Variants in PLCL1 observed in about 807,000 individuals in gnomAD.
PLCL1 encodes phospholipase C like 1 (inactive), also known as inactive phospholipase C-like protein 1.
PLCL1 carries 41 observed loss-of-function variants against 84.4 expected under a neutral mutation model. That is an observed-to-expected ratio of 0.49 (90% CI 0.38 to 0.63). The LOEUF is 0.63. Ranked by LOEUF, PLCL1 falls within the 30% of genes least tolerant of loss-of-function variation. The probability of loss-of-function intolerance (pLI) is 0.00; values close to 1 mark genes in which losing one functional copy is unlikely to be tolerated. For missense variants in PLCL1, 1,206 were observed against 1,367.8 expected, an observed-to-expected ratio of 0.88 and a Z score of 1.87; for synonymous variants, 490 against 488.3, an observed-to-expected ratio of 1.00 and a Z score of -0.05.
chr2:197,850,015 C>T (rs1687198288), intron 1 of PLCL1, among the ~76,000 whole-genome samples: 1 of 129,514 alleles, frequency 7.7e-6, no homozygotes, highest in South Asian at 2.5e-4. Flanking sequence ...GACACACAGA[C>T]ACACAGACAC....
intron 1 of PLCL1, among the ~76,000 whole-genome samples, chr2:197,870,314 A>C (rs935637176): frequency 1.3e-5 from 2 of 152,154 alleles, no homozygotes; most frequent in African/African-American, 2.4e-5. Context: ...ACTCAGGTAC[A>C]TGTAGGCTCC....
At chr2:197,956,312 G>A (rs1024065075) in intron 1 of PLCL1, among the ~76,000 whole-genome samples, 1 of 152,070 alleles carries the variant, frequency 6.6e-6, no homozygotes, top group Non-Finnish European at 1.5e-5. Flanking sequence ...TCTTTATCCA[G>A]TCAGTCATTG....
intron 1 of PLCL1, among the ~76,000 whole-genome samples, chr2:198,022,707 C>T (rs1224135049): frequency 6.6e-6 from 1 of 152,102 alleles, no homozygotes; most frequent in African/African-American, 2.4e-5. Flanking sequence ...CGAAGGACCT[C>T]TTCAAGGAGA....
At position 198,085,544 on chromosome 2, in the gene PLCL1, C is replaced by T; in HGVS notation, c.2027C>T (p.Pro676Leu). The change falls in exon 2 of 6, where the codon CCA (proline) becomes CTA (leucine). Residue 676 changes from proline (P) to leucine (L), a missense_variant. Pro to Leu is a moderately conservative substitution (Grantham distance 98). Coordinates refer to ENST00000428675, the MANE Select transcript of PLCL1 (RefSeq NM_006226.4). This position sits in a 1 kb window ranked among gnomAD's most constrained non-coding sequence, Gnocchi z 5.3. The stretch of plus-strand genomic sequence containing the variant: ...GCAATGAATTTTCAGACTCCGGGTC[C>T]AATGATGGACCTTCACACGGGCTGG... Reference protein sequence around the residue: ...IVAMNFQTPGPMMDLHTGWFL... With the variant: ...IVAMNFQTPGLMMDLHTGWFL... The T allele has an allele frequency of 6.2e-7, 1 of 1,613,950 alleles. No individual in the cohort carries two copies. The highest frequency in any genetic ancestry group is 8.5e-7 in the Non-Finnish European group (1 of 1,179,900).
chr2:197,921,021 CAGACTT>C (rs1688690840), intron 1 of PLCL1, among the ~76,000 whole-genome samples: 1 of 152,292 alleles, frequency 6.6e-6, no homozygotes, highest in South Asian at 2.1e-4. Flanking sequence ...CTCACATTGA[CAGACTT>C]AGACGGTGTA....
chr2:197,924,161 G>C lies in PLCL1; in HGVS notation c.240+118822G>C, dbSNP rs867641580. Among the ~76,000 whole-genome samples the C allele has an allele frequency of 3.7e-3, 531 of 144,252 alleles. 3 individuals are homozygous for C. The highest frequency in any genetic ancestry group is 0.014 in the African/African-American group (494 of 36,424). The allele number at this position is 144,252 out of a possible 152,430, so 94.6% of individuals were successfully genotyped here. ...GGGGAGAGGGAGAGGGAGAGGGAGA[G>C]GGAGAGGGAGAGGGAGAGGGAGAGG... On this transcript the variant is annotated intron_variant, in intron 1 of 5. Coordinates refer to ENST00000428675, the MANE Select transcript of PLCL1 (RefSeq NM_006226.4).
At chr2:197,945,915 TA>T (rs1289324168) in intron 1 of PLCL1, among the ~76,000 whole-genome samples, 1 of 152,204 alleles carries the variant, frequency 6.6e-6, no homozygotes, top group Non-Finnish European at 1.5e-5. Context: ...TATGTATATG[TA>T]CACACATTTT....
intron 1 of PLCL1, among the ~76,000 whole-genome samples, chr2:197,936,733 T>C (rs185762957): frequency 6.6e-6 from 1 of 152,302 alleles, no homozygotes; most frequent in African/African-American, 2.4e-5. Flanking sequence ...TCCTTTGCTG[T>C]GCCAGAACTT....
chr2:197,921,254 CTG>C (rs1688695255), intron 1 of PLCL1, among the ~76,000 whole-genome samples: 2 of 152,136 alleles, frequency 1.3e-5, no homozygotes, highest in African/African-American at 2.4e-5. Context: ...TGGTACATGA[CTG>C]TATTTCTTCT....
intron 1 of PLCL1, among the ~76,000 whole-genome samples, chr2:198,028,943 T>G (rs1691341315): frequency 6.6e-6 from 1 of 152,194 alleles, no homozygotes; most frequent in African/African-American, 2.4e-5. Flanking sequence ...TACAGTACTA[T>G]TCAAACATTC....
At chr2:197,954,800 G>T (rs1289863022) in intron 1 of PLCL1, among the ~76,000 whole-genome samples, 1 of 152,026 alleles carries the variant, frequency 6.6e-6, no homozygotes, top group Non-Finnish European at 1.5e-5. Context: ...AGTTAGGAAA[G>T]AACCTCTGAC....
intron 1 of PLCL1, among the ~76,000 whole-genome samples, chr2:198,021,533 T>C (rs1691132942): frequency 6.6e-6 from 1 of 151,864 alleles, no homozygotes; most frequent in African/African-American, 2.4e-5. Context: ...AAGAATCAAA[T>C]AGACACAATA....
intron 1 of PLCL1, among the ~76,000 whole-genome samples, chr2:198,010,877 T>C (rs1401211886): frequency 6.6e-6 from 1 of 151,906 alleles, no homozygotes; most frequent in Non-Finnish European, 1.5e-5. Flanking sequence ...TGTATGTTTC[T>C]AGGAATTTGT....
chr2:198,137,861 T>G (rs1231055570), intron 5 of PLCL1, among the ~76,000 whole-genome samples: 8 of 152,168 alleles, frequency 5.3e-5, no homozygotes, highest in Admixed American at 3.9e-4. Flanking sequence ...GGGGCAGGGA[T>G]GATGTCTGTG....
rs751215339 is a variant in PLCL1, at chr2:198,085,997, C to T, written c.2480C>T (p.Pro827Leu). The change falls in exon 2 of 6, where the codon CCC (proline) becomes CTC (leucine). Residue 827 changes from proline to leucine, a missense_variant. By Grantham distance (98) the Pro-to-Leu change is moderately conservative. Coordinates refer to ENST00000428675, the MANE Select transcript of PLCL1 (RefSeq NM_006226.4). The surrounding 1 kb of genome is among the most constrained non-coding windows in gnomAD (Gnocchi z 5.3). The part of the protein sequence containing the change: ...ECLQPGYRHV[P>L]LRSFVGDIME... The stretch of plus-strand genomic sequence containing the variant: ...TTGCAGCCTGGATATCGGCATGTTC[C>T]CCTGCGTTCTTTTGTGGGTGACATC... 1.2e-6 allele frequency: 2 copies of T among 1,614,038 alleles called. No homozygotes were observed. Among genetic ancestry groups the T allele is most frequent in the African/African-American group, 1.3e-5 (1 of 75,008 alleles).
chr2:198,008,810 A>T (rs1690796264), intron 1 of PLCL1, among the ~76,000 whole-genome samples: 1 of 152,046 alleles, frequency 6.6e-6, no homozygotes, highest in South Asian at 2.1e-4. Flanking sequence ...ATCATTTTAC[A>T]TTCCCACCAA....
At chr2:198,018,922 G>A (rs971774312) in intron 1 of PLCL1, among the ~76,000 whole-genome samples, 8 of 152,232 alleles carry the variant, frequency 5.3e-5, no homozygotes, top group Non-Finnish European at 8.8e-5. Flanking sequence ...CCTGACCCTT[G>A]TGCCTTCTGA....
At chr2:198,043,677 T>A (rs1003873032) in intron 1 of PLCL1, among the ~76,000 whole-genome samples, 7 of 151,910 alleles carry the variant, frequency 4.6e-5, no homozygotes, top group Non-Finnish European at 7.4e-5. Flanking sequence ...GGAGGAGAAA[T>A]CTAGTGTTCT....
At chr2:198,142,893 T>G (rs901830575) in intron 5 of PLCL1, among the ~76,000 whole-genome samples, 1 of 152,148 alleles carries the variant, frequency 6.6e-6, no homozygotes, top group Non-Finnish European at 1.5e-5. Context: ...CTTGACATTT[T>G]TTTTTCAAGT....
Sources: gnomAD v4.1 joint callset for allele counts (sites outside exome capture counted in the v4.1 genomes callset) on GRCh38, gnomAD v4.1.1 for gene constraint, Gnocchi (gnomAD v3.1) non-coding constraint, MANE v1.5 for transcripts, NCBI Gene and HGNC (gene_info 2026-07-23, HGNC 2026-07-21) for gene names.